CMTM4: variants seen among roughly 807,000 people sequenced by gnomAD.
The protein encoded by CMTM4 is CKLF-like MARVEL transmembrane domain-containing protein 4.
Under a neutral mutation model 19.0 loss-of-function variants are expected in CMTM4, and 8 were observed. The ratio of observed to expected loss-of-function variants is 0.42; its 90% confidence interval spans 0.25 to 0.76. The LOEUF (loss-of-function observed/expected upper bound fraction) is 0.76. CMTM4 is among the 30% of genes least tolerant of loss of function. CMTM4 has a pLI of 0.27. For missense variants in CMTM4, 228 were observed against 290.2 expected (o/e 0.79, Z 1.56); for synonymous variants, 106 against 121.1 (o/e 0.88, Z 0.82).
Position 66,622,459 on chromosome 16 carries a change from TG to T in CMTM4, c.463-238del, listed in dbSNP as rs1249360103. On this transcript the variant is annotated intron_variant, in intron 3 of 3. Coordinates refer to ENST00000394106, the MANE Select transcript of CMTM4 (RefSeq NM_181521.3). The surrounding 1 kb of genome is among the most constrained non-coding windows in gnomAD (Gnocchi z 4.0). ...AAGGGAAGCCTGTGCCCAGCCCTGCTGGATGTGTGGCTGTCACACCACAGCT... is the reference window on the plus strand; with the variant it reads ...AAGGGAAGCCTGTGCCCAGCCCTGCTGATGTGTGGCTGTCACACCACAGCT... Among the ~76,000 whole-genome samples, 3 of 152,230 alleles carry T rather than the reference TG, an allele frequency of 2.0e-5. No homozygotes were observed. The highest frequency in any genetic ancestry group is 2.0e-4 in the Admixed American group (3 of 15,292).
intron 2 of CMTM4, 90 bp downstream of exon 2, chr16:66,636,315 A>C: frequency 9.6e-7 from 1 of 1,039,050 alleles, no homozygotes; most frequent in Non-Finnish European, 1.4e-6. Flanking sequence ...AATGAACTAG[A>C]ACCAAACATG....
the CMTM4 span, chr16:66,604,938 C>T: frequency 1.3e-6 from 2 of 1,503,204 alleles, no homozygotes; most frequent in Non-Finnish European, 1.8e-6. Context: ...AGGCCGCCTC[C>T]TGCTGGCCGA....
At chr16:66,604,918 G>A in the CMTM4 span, 1 of 1,492,504 alleles carries the variant, frequency 6.7e-7, no homozygotes, top group Non-Finnish European at 8.8e-7. Context: ...GCTTTCCTCT[G>A]CTCTCTCAAA....
chr16:66,623,814 A>G (rs1417633713), intron 2 of CMTM4, among the ~76,000 whole-genome samples: 3 of 152,184 alleles, frequency 2.0e-5, no homozygotes, highest in Non-Finnish European at 4.4e-5. Flanking sequence ...TAAAAACCAC[A>G]CTCAAATCAT....
At chr16:66,623,340 G>C (rs2015675096) in intron 3 of CMTM4, 64 bp downstream of exon 3, 1 of 1,192,812 alleles carries the variant, frequency 8.4e-7, no homozygotes, top group East Asian at 2.4e-5. Context: ...ACATGCCAGG[G>C]ACAGGCGAGC....
chr16:66,619,417 C>G lies in CMTM4; in HGVS notation c.*2641G>C. 1.0e-6 allele frequency: 1 copy of G among 985,400 alleles called. No individual in the cohort carries two copies. The highest frequency in any genetic ancestry group is 1.2e-6 in the Non-Finnish European group (1 of 829,946). The allele number at this position is 985,400 out of a possible 1,614,324, so 61.0% of individuals were successfully genotyped here. On this transcript the variant is annotated 3_prime_UTR_variant, in exon 4 of 4. Transcript: ENST00000394106. ...CAAGTTTTGCTTTAAATGTGAAAAC[C>G]AATATCGTCCCACCAGAACACTGAG...
chr16:66,667,490 A>G (rs916442943), intron 1 of CMTM4, among the ~76,000 whole-genome samples: 3 of 152,188 alleles, frequency 2.0e-5, no homozygotes, highest in East Asian at 3.8e-4. Flanking sequence ...GTCATATGTA[A>G]TATCACACCT....
At chr16:66,600,012 T>C in the CMTM4 span, among the ~76,000 whole-genome samples, 1 of 152,144 alleles carries the variant, frequency 6.6e-6, no homozygotes, top group Admixed American at 6.5e-5. Context: ...TGGACGTTCA[T>C]ATATGTCTTT....
chr16:66,692,891 A>G (rs1359208942), intron 1 of CMTM4, among the ~76,000 whole-genome samples: 6 of 149,998 alleles, frequency 4.0e-5, no homozygotes, highest in Non-Finnish European at 7.4e-5. Context: ...TGGGTGACAG[A>G]GCAAGACTCC....
In CMTM4 at chr16:66,620,727, G is replaced by A; in HGVS notation, c.*1331C>T. The A allele has an allele frequency of 1.0e-6, 1 of 985,808 alleles. No homozygotes were observed. Among genetic ancestry groups the A allele is most frequent in the Non-Finnish European group, 1.2e-6 (1 of 829,918 alleles). The allele number at this position is 985,808 out of a possible 1,614,324, so 61.1% of individuals were successfully genotyped here. A position where few individuals can be genotyped will look rare whatever the true frequency, so the allele number is the denominator to read the frequency against. On this transcript the variant is annotated 3_prime_UTR_variant, in exon 4 of 4. Transcript: ENST00000394106. ...TTTTGGTGAGGGCTAAACACAAAAT[G>A]TTAGAGCTAAAGTGAGGTTTGTAAA...
chr16:66,645,428 A>G (rs1005566318), intron 1 of CMTM4, among the ~76,000 whole-genome samples: 2 of 151,576 alleles, frequency 1.3e-5, no homozygotes, highest in African/African-American at 4.9e-5. Context: ...AAATACAAAA[A>G]TTAGCCAGGC....
At chr16:66,688,542 A>T (rs1201143899) in intron 1 of CMTM4, among the ~76,000 whole-genome samples, 3 of 151,910 alleles carry the variant, frequency 2.0e-5, no homozygotes, top group African/African-American at 7.3e-5. Context: ...ACACACACAC[A>T]CACACACACA....
intron 1 of CMTM4, among the ~76,000 whole-genome samples, chr16:66,640,393 G>C (rs977835390): frequency 6.6e-6 from 1 of 152,240 alleles, no homozygotes; most frequent in Non-Finnish European, 1.5e-5. Flanking sequence ...ATAAGGGACA[G>C]CTGTCTGGAG....
chr16:66,694,082 G>T (rs2017186558), intron 1 of CMTM4, among the ~76,000 whole-genome samples: 1 of 151,556 alleles, frequency 6.6e-6, no homozygotes, highest in African/African-American at 2.4e-5. Context: ...GCGAGGGAGA[G>T]AAAGAGAAAA....
At position 66,636,561 on chromosome 16, in the gene CMTM4, G is replaced by A; in HGVS notation, c.207C>T (p.Phe69=). 6.2e-7 allele frequency: 1 copy of A among 1,614,126 alleles called. No individual in the cohort carries two copies. Among genetic ancestry groups the A allele is most frequent in the Non-Finnish European group, 8.5e-7 (1 of 1,179,982 alleles). ...VAQVILALIA[F]ICIETIMACS... ...ATGCCATGATGGTCTCTATGCAGATGAATGCAATCAGGGCCAAGATCTAGG... is the reference window on the plus strand; with the variant it reads ...ATGCCATGATGGTCTCTATGCAGATAAATGCAATCAGGGCCAAGATCTAGG... The change falls in exon 2 of 4, where the codon TTC becomes TTT. Residue 69 remains phenylalanine (F), a synonymous_variant. Transcript: ENST00000394106.
rs1050480037 is a variant in CMTM4 at position 66,619,617 on chromosome 16, T to A, written c.*2441A>T. On this transcript the variant is annotated 3_prime_UTR_variant, in exon 4 of 4. Transcript: ENST00000394106. ...AGGCAATATAAGAAAAATATAGGCG[T>A]CTTCATATTCACCTTGGATAACCCT... 1 of 985,202 alleles carries A rather than the reference T, an allele frequency of 1.0e-6. No individual in the cohort carries two copies. The highest frequency in any genetic ancestry group is 6.2e-5 in the Admixed American group (1 of 16,240). The allele number at this position is 985,202 out of a possible 1,614,324, so 61.0% of individuals were successfully genotyped here. A position where few individuals can be genotyped will look rare whatever the true frequency, so the allele number is the denominator to read the frequency against.
intron 2 of CMTM4, among the ~76,000 whole-genome samples, chr16:66,635,862 T>C (rs1179064259): frequency 1.3e-5 from 2 of 152,136 alleles, no homozygotes; most frequent in East Asian, 3.9e-4. Flanking sequence ...TTAACAAGGG[T>C]GGCCAAACAG....
At chr16:66,602,380 G>C in the CMTM4 span, among the ~76,000 whole-genome samples, 1 of 152,076 alleles carries the variant, frequency 6.6e-6, no homozygotes, top group African/African-American at 2.4e-5. Context: ...CTGGGTGACA[G>C]AGCAAGCCTC....
At chr16:66,631,511 C>T (rs886967781) in intron 2 of CMTM4, among the ~76,000 whole-genome samples, 1 of 152,222 alleles carries the variant, frequency 6.6e-6, no homozygotes. Flanking sequence ...GGGGAAAAGA[C>T]TGAGAAATCG....
Sources: gnomAD v4.1 joint callset for allele counts (sites outside exome capture counted in the v4.1 genomes callset) on GRCh38, gnomAD v4.1.1 for gene constraint, Gnocchi (gnomAD v3.1) non-coding constraint, MANE v1.5 for transcripts, NCBI Gene and HGNC (gene_info 2026-07-23, HGNC 2026-07-21) for gene names.